OGA: variants seen among roughly 807,000 people sequenced by gnomAD.
OGA encodes protein O-GlcNAcase.
OGA carries 21 observed loss-of-function variants against 102.0 expected under a neutral mutation model. That is an observed-to-expected ratio of 0.21 (90% CI 0.15 to 0.30). The LOEUF is 0.30. OGA is among the 10% of genes least tolerant of loss of function. OGA has a pLI of 1.00. For synonymous variants in OGA, 408 were observed against 378.2 expected (o/e 1.08, Z -0.91); for missense variants, 765 against 1,107.8 (o/e 0.69, Z 4.39).
rs147941364 is a variant in OGA, at chr10:101,817,997, G to A, written c.26C>T (p.Thr9Met). ...GAGCTCGCTCTCCCGCTCCTCCAAC[G>A]TCGCTTGACTCTCCTTCTGCACCAT... MVQKESQA[T>M]LEERESELSS... The change falls in exon 1 of 16, where the codon ACG becomes ATG. Residue 9 changes from threonine to methionine, a missense_variant. By Grantham distance (81) the Thr-to-Met change is moderately conservative (BLOSUM62 -1). Transcript: ENST00000361464. 5 of 1,603,220 alleles carry A rather than the reference G, an allele frequency of 3.1e-6. No homozygotes were observed. The highest frequency in any genetic ancestry group is 4.3e-6 in the Non-Finnish European group (5 of 1,172,638).
In OGA at chr10:101,796,810, G is replaced by A. The variant is rs184490257; in HGVS notation, c.1984+1170C>T. On this transcript the variant is annotated intron_variant, in intron 10 of 15. Transcript: ENST00000361464. ...TGCTGGTTTTCACCAGGCTGGTCTC[G>A]AACTCCTGATCTCAAGTGATCCACC... Among the ~76,000 whole-genome samples, 350 of 151,966 alleles carry A rather than the reference G, an allele frequency of 2.3e-3. 1 individual carries two copies. Among genetic ancestry groups the A allele is most frequent in the Non-Finnish European group, 3.7e-3 (249 of 67,968 alleles).
chr10:101,811,535 T>C (rs986101383), intron 3 of OGA, among the ~76,000 whole-genome samples: 8 of 150,564 alleles, frequency 5.3e-5, no homozygotes, highest in Non-Finnish European at 1.2e-4. Context: ...AACCCCTCTC[T>C]CTACAAAATA....
chr10:101,788,628 G>T (rs934814621), intron 14 of OGA, among the ~76,000 whole-genome samples: 1 of 151,686 alleles, frequency 6.6e-6, no homozygotes, highest in Non-Finnish European at 1.5e-5. Flanking sequence ...CCGACTACTC[G>T]GGAGGCTGAG....
At chr10:101,796,727 C>T (rs989473283) in intron 10 of OGA, among the ~76,000 whole-genome samples, 1 of 152,060 alleles carries the variant, frequency 6.6e-6, no homozygotes, top group Non-Finnish European at 1.5e-5. Flanking sequence ...TGCGCCACCA[C>T]GCCTGGCTAA....
chr10:101,811,442 C>T (rs183789299), intron 3 of OGA, among the ~76,000 whole-genome samples: 3 of 137,196 alleles, frequency 2.2e-5, no homozygotes, highest in Admixed American at 7.3e-5. Flanking sequence ...ATGAATCACA[C>T]CTGTAATCCC....
chr10:101,811,155 C>G (rs1328529154), intron 3 of OGA, among the ~76,000 whole-genome samples: 1 of 151,900 alleles, frequency 6.6e-6, no homozygotes, highest in Non-Finnish European at 1.5e-5. Context: ...TTTGGGAGGC[C>G]AGGCAGGAGG....
At position 101,784,535 on chromosome 10, in the gene OGA, A is replaced by G. The variant is rs1322356922; in HGVS notation, c.*1916T>C. Reference sequence around the variant, plus strand: ...CTGAGCTCTGATCCAAACAATCAATAAAAATGTAATTCCAACCTTAATATT... The same window carrying G: ...CTGAGCTCTGATCCAAACAATCAATGAAAATGTAATTCCAACCTTAATATT... On this transcript the variant is annotated 3_prime_UTR_variant, in exon 16 of 16. Transcript: ENST00000361464. The G allele has an allele frequency of 6.6e-6, 1 of 152,504 alleles. No homozygotes were observed. The highest frequency in any genetic ancestry group is 1.5e-5 in the Non-Finnish European group (1 of 68,068). 9.4% of individuals were successfully genotyped at this position (152,504 alleles called of 1,614,324 possible).
intron 5 of OGA, among the ~76,000 whole-genome samples, chr10:101,806,653 A>G (rs1414674576): frequency 6.6e-6 from 1 of 152,254 alleles, no homozygotes; most frequent in Admixed American, 6.5e-5. Flanking sequence ...TACTAGAAAT[A>G]CAAGTTTACT....
chr10:101,799,130 A>C lies in OGA; in HGVS notation c.1521T>G (p.Ala507=). The C allele has an allele frequency of 1.2e-6, 2 of 1,614,230 alleles. No individual in the cohort carries two copies. Among genetic ancestry groups the C allele is most frequent in the East Asian group, 2.2e-5 (1 of 44,880 alleles). The stretch of plus-strand genomic sequence containing the variant: ...TGGACATCTCTGGGGATTTTGATTC[A>C]GCTATGCTCTCTTTATCAGTGTCCA... ...KPMDTDKESI[A]ESKSPEMSMQ... is the part of the protein sequence containing the mutation. The change falls in exon 9 of 16, where the codon GCT becomes GCG. Residue 507 remains alanine (A), a synonymous_variant. Coordinates refer to ENST00000361464, the MANE Select transcript of OGA (RefSeq NM_012215.5).
intron 9 of OGA, 48 bp from the exon 10 acceptor site, chr10:101,798,202 A>T (rs919105817): frequency 6.4e-7 from 1 of 1,564,210 alleles, no homozygotes; most frequent in Non-Finnish European, 8.7e-7. Context: ...GCTTAACAAA[A>T]TAATCTGAGA....
intron 1 of OGA, among the ~76,000 whole-genome samples, chr10:101,815,578 C>T (rs1167748904): frequency 2.6e-5 from 4 of 152,148 alleles, no homozygotes; most frequent in Admixed American, 2.0e-4. Context: ...GCCACCGCGC[C>T]CGGCCAATAT....
intron 4 of OGA, among the ~76,000 whole-genome samples, chr10:101,808,646 T>C (rs772475088): frequency 6.6e-6 from 1 of 152,032 alleles, no homozygotes; most frequent in Non-Finnish European, 1.5e-5. Context: ...AAATAAGACA[T>C]GTATATAGAA....
rs766002461 is a variant in OGA, at chr10:101,810,270, C to T, written c.394G>A (p.Glu132Lys). ...CCAGGTGAGATCGCATAGATGAACT[C>T]TATCTCATATTCTCGTGCAGCAGAG... ...LISAAREYEI[E>K]FIYAISPGLD... The change falls in exon 4 of 16, where the codon GAG (glutamate) becomes AAG (lysine). Residue 132 changes from glutamate (E) to lysine (K), a missense_variant. By Grantham distance (56) the Glu-to-Lys change is moderately conservative. Coordinates refer to ENST00000361464, the MANE Select transcript of OGA (RefSeq NM_012215.5). 6.2e-7 allele frequency: 1 copy of T among 1,612,278 alleles called. No individual in the cohort carries two copies. Among genetic ancestry groups the T allele is most frequent in the Non-Finnish European group, 8.5e-7 (1 of 1,178,430 alleles).
chr10:101,802,190 C>T (rs1270882965), intron 7 of OGA, among the ~76,000 whole-genome samples: 1 of 152,060 alleles, frequency 6.6e-6, no homozygotes, highest in African/African-American at 2.4e-5. Flanking sequence ...TAACCTCCAG[C>T]CCACAAACCT....
rs977411691 is a variant in OGA, at chr10:101,797,195, C to T, written c.1984+785G>A. 5.3e-5 allele frequency: 8 copies of T among 152,216 alleles called. No homozygotes were observed. The East Asian group carries it at 1.4e-3, about 26-fold the overall frequency. 9.4% of individuals were successfully genotyped at this position (152,216 alleles called of 1,614,324 possible). ...TTTGTGACTACTATGAAAACTATGA[C>T]ATGTCAGTCAGCCTTGCTGCCTGCT... On this transcript the variant is annotated intron_variant, in intron 10 of 15. Coordinates refer to ENST00000361464, the MANE Select transcript of OGA (RefSeq NM_012215.5).
At position 101,810,209 on chromosome 10, in the gene OGA, G is replaced by A. The variant is rs201285440; in HGVS notation, c.455C>T (p.Ser152Phe). The A allele has an allele frequency of 1.2e-5, 19 of 1,612,096 alleles. No individual in the cohort carries two copies. The highest frequency in any genetic ancestry group is 1.5e-5 in the Non-Finnish European group (18 of 1,178,976). ...DITFSNPKEV[S>F]TLKRKLDQVS... ...CTGGTCCAATTTACGTTTCAATGTG[G>A]ATACTTCCTTGGGGTTAGAAAAAGT... is the stretch of plus-strand genomic sequence containing the variant. The change falls in exon 4 of 16, where the codon TCC becomes TTC. Residue 152 changes from serine (S) to phenylalanine (F), a missense_variant. By Grantham distance (155) the Ser-to-Phe change is radical. Coordinates refer to ENST00000361464, the MANE Select transcript of OGA (RefSeq NM_012215.5).
chr10:101,796,009 A>C (rs2065311392), intron 10 of OGA: 1 of 525,292 alleles, frequency 1.9e-6, no homozygotes, highest in African/African-American at 2.1e-5. Flanking sequence ...TATCATTAAG[A>C]ATTTAACTTT....
chr10:101,810,427 C>T (rs2135088032), intron 3 of OGA, 113 bp from the exon 4 acceptor site: 2 of 1,013,718 alleles, frequency 2.0e-6, no homozygotes, highest in East Asian at 5.0e-5. Context: ...GGAAAAGATC[C>T]TCACATTTTA....
chr10:101,813,438 T>A (rs1564651342), intron 2 of OGA, 117 bp downstream of exon 2: 1 of 684,834 alleles, frequency 1.5e-6, no homozygotes, highest in East Asian at 2.8e-5. Flanking sequence ...AAATAACTTC[T>A]GCAATTGAGA....
Sources: gnomAD v4.1 joint callset for allele counts (sites outside exome capture counted in the v4.1 genomes callset) on GRCh38, gnomAD v4.1.1 for gene constraint, MANE v1.5 for transcripts, NCBI Gene and HGNC (gene_info 2026-07-23, HGNC 2026-07-21) for gene names.